The following IL1RAP variants were observed in gnomAD, a reference collection of about 807,000 sequenced individuals.
IL1RAP encodes interleukin-1 receptor accessory protein.
A neutral mutation model predicts 60.7 loss-of-function variants in IL1RAP; 35 were observed. The observed-to-expected ratio is 0.58, with a 90% CI of 0.44 to 0.76. IL1RAP has a LOEUF of 0.76. Ranked by LOEUF, IL1RAP falls within the 30% of genes least tolerant of loss-of-function variation. The pLI is 0.00. For synonymous variants in IL1RAP, 268 were observed against 250.9 expected, an observed-to-expected ratio of 1.07 and a Z score of -0.64; for missense variants, 572 against 693.9, an observed-to-expected ratio of 0.82 and a Z score of 1.97.
At chr3:190,521,952 G>T (rs1474126646) in intron 1 of IL1RAP, among the ~76,000 whole-genome samples, 1 of 152,168 alleles carries the variant, frequency 6.6e-6, no homozygotes, top group Non-Finnish European at 1.5e-5. Flanking sequence ...CTAGCGTTGA[G>T]TACACATTTT....
chr3:190,652,361 C>A (rs1048178033), downstream of IL1RAP, among the ~76,000 whole-genome samples: 5 of 151,534 alleles, frequency 3.3e-5, no homozygotes, highest in African/African-American at 1.2e-4. Flanking sequence ...ACTCGGGAGG[C>A]TAAGGCAGGG....
intron 9 of IL1RAP, among the ~76,000 whole-genome samples, chr3:190,634,067 T>C (rs967428614): frequency 7.2e-5 from 11 of 152,192 alleles, no homozygotes; most frequent in Non-Finnish European, 1.6e-4. Context: ...TGTGAGTATG[T>C]TGAGTTTTGT....
intron 1 of IL1RAP, among the ~76,000 whole-genome samples, chr3:190,532,857 C>T (rs1285517509): frequency 6.6e-6 from 1 of 152,194 alleles, no homozygotes; most frequent in Non-Finnish European, 1.5e-5. Context: ...TTTCTGGCCT[C>T]TTCTTGCTTC....
chr3:190,651,131 A>G lies in IL1RAP; in HGVS notation c.*2426A>G, dbSNP rs753852312. On this transcript the variant is annotated 3_prime_UTR_variant, in exon 12 of 12. Transcript: ENST00000447382. ...GAACATTCAAGGGAAATGGGGAAAC[A>G]TAATTTAGAGAACAAGAACAAACCA... 1.0e-6 allele frequency: 1 copy of G among 985,008 alleles called. No homozygotes were observed. Among genetic ancestry groups the G allele is most frequent in the Non-Finnish European group, 1.2e-6 (1 of 829,552 alleles). The allele number at this position is 985,008 out of a possible 1,614,324, so 61.0% of individuals were successfully genotyped here. A position where few individuals can be genotyped will look rare whatever the true frequency, so the allele number is the denominator to read the frequency against.
chr3:190,529,469 C>T (rs577937005), intron 1 of IL1RAP, among the ~76,000 whole-genome samples: 12 of 151,804 alleles, frequency 7.9e-5, no homozygotes, highest in South Asian at 2.1e-4. Context: ...GGGCAGATCA[C>T]GAGGTCAAGA....
At chr3:190,639,973 C>T (rs1027246724) in intron 9 of IL1RAP, among the ~76,000 whole-genome samples, 3 of 152,162 alleles carry the variant, frequency 2.0e-5, no homozygotes, top group African/African-American at 7.2e-5. Context: ...TTGATCTGTT[C>T]CCAGCTATTC....
chr3:190,515,803 C>G (rs1461788559), intron 1 of IL1RAP, among the ~76,000 whole-genome samples: 4 of 151,588 alleles, frequency 2.6e-5, no homozygotes, highest in Non-Finnish European at 5.9e-5. Context: ...AGCAACCTTA[C>G]ATTTTTCATC....
intron 3 of IL1RAP, among the ~76,000 whole-genome samples, chr3:190,598,446 G>T (rs796474792): frequency 7.2e-5 from 11 of 151,962 alleles, no homozygotes; most frequent in African/African-American, 2.7e-4. Context: ...GTTATGATAA[G>T]GATGGTTTGA....
At chr3:190,632,854 CTTTG>C (rs1732903743) in intron 9 of IL1RAP, among the ~76,000 whole-genome samples, 2 of 151,968 alleles carry the variant, frequency 1.3e-5, no homozygotes, top group South Asian at 2.1e-4. Context: ...AAAATCTTTC[CTTTG>C]TTTGTTGAAT....
At chr3:190,617,085 A>C (rs1163588102) in intron 5 of IL1RAP, among the ~76,000 whole-genome samples, 1 of 152,206 alleles carries the variant, frequency 6.6e-6, no homozygotes, top group African/African-American at 2.4e-5. Context: ...AACAGATGTT[A>C]ATATTCTTAT....
At chr3:190,593,440 C>T (rs935339457) in intron 3 of IL1RAP, among the ~76,000 whole-genome samples, 1 of 152,160 alleles carries the variant, frequency 6.6e-6, no homozygotes, top group Non-Finnish European at 1.5e-5. Context: ...ATAAACATAT[C>T]TAAGTTTTAA....
chr3:190,525,175 A>G (rs111714966), intron 1 of IL1RAP, among the ~76,000 whole-genome samples: 116 of 152,314 alleles, frequency 7.6e-4, no homozygotes, highest in African/African-American at 2.7e-3. Context: ...CAACAGACAA[A>G]CAGAAGAAAT....
At chr3:190,562,735 C>T (rs1341170239) in intron 2 of IL1RAP, among the ~76,000 whole-genome samples, 4 of 139,832 alleles carry the variant, frequency 2.9e-5, no homozygotes, top group Non-Finnish European at 6.3e-5. Flanking sequence ...CACACACACA[C>T]ATCTGCTACA....
At chr3:190,608,863 T>A in intron 4 of IL1RAP, 132 bp from the exon 5 acceptor site, 1 of 632,190 alleles carries the variant, frequency 1.6e-6, no homozygotes. Context: ...TACCATTTTA[T>A]CTCTTACATG....
At chr3:190,656,328 C>T, downstream of IL1RAP, 2 of 1,537,170 alleles carry the variant, frequency 1.3e-6, no homozygotes, top group Non-Finnish European at 8.7e-7. Context: ...GCCCTCCAGC[C>T]CCAGGCACAA....
intron 3 of IL1RAP, among the ~76,000 whole-genome samples, chr3:190,599,706 T>G (rs1257714146): frequency 6.6e-6 from 1 of 151,236 alleles, no homozygotes; most frequent in African/African-American, 2.4e-5. Flanking sequence ...TTTGGGTTTT[T>G]TTTTTTTTTT....
intron 1 of IL1RAP, among the ~76,000 whole-genome samples, chr3:190,533,981 C>G (rs1437762474): frequency 6.8e-6 from 1 of 147,922 alleles, no homozygotes; most frequent in Non-Finnish European, 1.5e-5. Flanking sequence ...TTTTTCTTTT[C>G]TTTTAATTGG....
chr3:190,528,442 G>C (rs2108528005), intron 1 of IL1RAP, among the ~76,000 whole-genome samples: 1 of 152,304 alleles, frequency 6.6e-6, no homozygotes, highest in Non-Finnish European at 1.5e-5. Flanking sequence ...AGTTATGGCT[G>C]CTATAGAAAC....
chr3:190,598,815 G>A (rs1347909549), intron 3 of IL1RAP, among the ~76,000 whole-genome samples: 2 of 151,970 alleles, frequency 1.3e-5, no homozygotes, highest in Non-Finnish European at 2.9e-5. Context: ...CACTGAAACT[G>A]CTATCCCTTC....
Sources: allele counts gnomAD v4.1 joint callset (sites outside exome capture counted in the v4.1 genomes callset), GRCh38; gene constraint gnomAD v4.1.1; transcripts MANE v1.5; gene names NCBI Gene and HGNC (gene_info 2026-07-23, HGNC 2026-07-21).